KMT5B: variants seen among roughly 807,000 people sequenced by gnomAD.
KMT5B encodes lysine methyltransferase 5B, also known as histone-lysine N-methyltransferase KMT5B.
A neutral mutation model predicts 83.2 loss-of-function variants in KMT5B; 10 were observed. That is an observed-to-expected ratio of 0.12 (90% CI 0.07 to 0.20). KMT5B has a LOEUF of 0.20. KMT5B is among the 10% of genes least tolerant of loss of function. The pLI, the probability that KMT5B is intolerant of heterozygous loss-of-function variation, is 1.00. For missense variants in KMT5B, 753 were observed against 1,067.2 expected (o/e 0.71, Z 4.10); for synonymous variants, 349 against 388.8 (o/e 0.90, Z 1.20).
At position 68,171,531 on chromosome 11, in the gene KMT5B, AAC is replaced by A; in HGVS notation, c.820+10_820+11del. Reference sequence around the variant, plus strand: ...CCAACACTAGCGCCAACACCTTGGAAACACAGCTTACCATGGTTTATAAACGC... The same window carrying A: ...CCAACACTAGCGCCAACACCTTGGAAACAGCTTACCATGGTTTATAAACGC... On this transcript the variant is annotated intron_variant, in intron 7 of 10. Coordinates refer to ENST00000304363, the MANE Select transcript of KMT5B (RefSeq NM_017635.5). This position sits in a 1 kb window ranked among gnomAD's most constrained non-coding sequence, Gnocchi z 5.1. 6.2e-7 allele frequency: 1 copy of A among 1,611,448 alleles called. No homozygotes were observed.
At position 68,157,523 on chromosome 11, in the gene KMT5B, C is replaced by T; in HGVS notation, c.*165G>A. The T allele has an allele frequency of 1.9e-6, 2 of 1,054,058 alleles. No individual in the cohort carries two copies. Among genetic ancestry groups the T allele is most frequent in the Non-Finnish European group, 2.5e-6 (2 of 809,820 alleles). 65.3% of individuals were successfully genotyped at this position (1,054,058 alleles called of 1,614,324 possible). ...AAGTACGATAAAAATTTGCACAAAT[C>T]AGACTTAAGAATTGAGTCAGTATGC... On this transcript the variant is annotated 3_prime_UTR_variant, in exon 11 of 11. Transcript: ENST00000304363.
rs531948007 is a variant in KMT5B at position 68,165,811 on chromosome 11, T to C, written c.1174+1171A>G. 15 of 1,587,262 alleles carry C rather than the reference T, an allele frequency of 9.5e-6. No individual in the cohort carries two copies. The Admixed American group carries it at 1.9e-4, about 20-fold the overall frequency. The stretch of plus-strand genomic sequence containing the variant: ...CACTCTGGACATTAACGAAAAAGAC[T>C]GGAATAGGGCTACAGCGCTGCTTTT... On this transcript the variant is annotated intron_variant, in intron 10 of 10. Coordinates refer to ENST00000304363, the MANE Select transcript of KMT5B (RefSeq NM_017635.5).
chr11:68,213,295 A>G lies in KMT5B; in HGVS notation c.-234T>C, dbSNP rs1861220893. 2.0e-5 allele frequency: 3 copies of G among 147,184 alleles called. No individual in the cohort carries two copies. The highest frequency in any genetic ancestry group is 3.0e-5 in the Non-Finnish European group (2 of 65,996). 9.1% of individuals were successfully genotyped at this position (147,184 alleles called of 1,614,324 possible). ...AGAAAAATGGAGAGTAAAATCCAAG[A>G]TGGCGGCGCGGGCCGCAGCACCGCT... On this transcript the variant is annotated 5_prime_UTR_variant, in exon 1 of 11. Coordinates refer to ENST00000304363, the MANE Select transcript of KMT5B (RefSeq NM_017635.5).
chr11:68,190,239 T>C (rs933166124), intron 1 of KMT5B, 87 bp from the exon 2 acceptor site: 2 of 639,688 alleles, frequency 3.1e-6, no homozygotes, highest in Non-Finnish European at 5.4e-6. Flanking sequence ...GAGAAAGATA[T>C]ATAATATTAA....
chr11:68,201,971 C>T (rs1024771775), intron 1 of KMT5B, among the ~76,000 whole-genome samples: 2 of 151,358 alleles, frequency 1.3e-5, no homozygotes, highest in Admixed American at 6.6e-5. Context: ...TGCTTGTAGT[C>T]CCAGGTACTC....
At position 68,201,918 on chromosome 11, in the gene KMT5B, C is replaced by CAA. The variant is rs779662280; in HGVS notation, c.-77+11218_-77+11219dup. ...AACATGGTCAGACCCCAGTCTCTAC[C>CAA]AAAAAAAAAAAAAAAAAAAAATTAG... On this transcript the variant is annotated intron_variant, in intron 1 of 10. Transcript: ENST00000304363. Among the ~76,000 whole-genome samples, 158 of 82,912 alleles carry CAA rather than the reference C, an allele frequency of 1.9e-3. 2 individuals are homozygous for CAA. Among genetic ancestry groups the CAA allele is most frequent in the East Asian group, 0.014 (42 of 3,048 alleles). 54.4% of individuals were successfully genotyped at this position (82,912 alleles called of 152,430 possible).
chr11:68,173,991 C>T (rs1037482954), intron 5 of KMT5B, 78 bp from the exon 6 acceptor site: 2 of 972,390 alleles, frequency 2.1e-6, no homozygotes, highest in Non-Finnish European at 3.2e-6. Context: ...TAAAAGCAAA[C>T]CACCCGCAAT....
chr11:68,180,344 T>C (rs975324384), intron 3 of KMT5B, 144 bp from the exon 4 acceptor site: 2 of 1,094,576 alleles, frequency 1.8e-6, no homozygotes, highest in Non-Finnish European at 2.6e-6. Flanking sequence ...ATACCACAGG[T>C]GGGCGCGGCA....
chr11:68,211,436 C>T (rs992598139), intron 1 of KMT5B, among the ~76,000 whole-genome samples: 5 of 152,210 alleles, frequency 3.3e-5, no homozygotes, highest in African/African-American at 1.2e-4. Context: ...ACCATATTCC[C>T]TTCACTCTCC....
intron 9 of KMT5B, among the ~76,000 whole-genome samples, chr11:68,169,417 T>C (rs1225214312): frequency 6.6e-6 from 1 of 152,246 alleles, no homozygotes; most frequent in Non-Finnish European, 1.5e-5. Flanking sequence ...ACCAGGGTAC[T>C]GTTCTGTATT....
chr11:68,208,465 CA>C (rs1860458031), intron 1 of KMT5B, among the ~76,000 whole-genome samples: 1 of 149,256 alleles, frequency 6.7e-6, no homozygotes, highest in African/African-American at 2.5e-5. Context: ...AACAAACAAA[CA>C]AAAAAACCAC....
Position 68,158,176 on chromosome 11 carries a change from G to T in KMT5B, c.2170C>A (p.His724Asn). The T allele has an allele frequency of 6.2e-7, 1 of 1,614,148 alleles. No individual in the cohort carries two copies. The highest frequency in any genetic ancestry group is 8.5e-7 in the Non-Finnish European group (1 of 1,180,034). Residue 724 changes from histidine (H) to asparagine (N), a missense_variant, in exon 11 of 11, where the codon CAT becomes AAT. Transcript: ENST00000304363. ...GIPKLTLRRRHDSSSKTNDQE... is the reference protein window; with the variant it reads ...GIPKLTLRRRNDSSSKTNDQE... ...TCATTTGTTTTGCTGCTGCTATCAT[G>T]ACGCCTACGAAGAGTCAATTTGGGA... is the stretch of plus-strand genomic sequence containing the variant.
chr11:68,187,100 A>C (rs1266192133), intron 2 of KMT5B, among the ~76,000 whole-genome samples: 2 of 151,922 alleles, frequency 1.3e-5, no homozygotes, highest in Non-Finnish European at 2.9e-5. Flanking sequence ...GGGCTCAAGG[A>C]ATCATCCTGC....
intron 1 of KMT5B, among the ~76,000 whole-genome samples, chr11:68,206,999 T>A (rs1038592376): frequency 3.9e-5 from 6 of 151,962 alleles, no homozygotes; most frequent in Non-Finnish European, 5.9e-5. Context: ...TCCCAGCACT[T>A]TGGGAGGCTG....
chr11:68,210,153 T>G (rs1457452983), intron 1 of KMT5B, among the ~76,000 whole-genome samples: 1 of 152,214 alleles, frequency 6.6e-6, no homozygotes, highest in East Asian at 1.9e-4. Context: ...CCGGTACTGT[T>G]TTCTTTAGTG....
At chr11:68,207,492 C>G (rs1228820772) in intron 1 of KMT5B, among the ~76,000 whole-genome samples, 1 of 151,764 alleles carries the variant, frequency 6.6e-6, no homozygotes. Flanking sequence ...CTGTTAATAT[C>G]ACACAAAAAA....
chr11:68,177,768 G>A (rs755375201), intron 4 of KMT5B, among the ~76,000 whole-genome samples: 39 of 152,064 alleles, frequency 2.6e-4, no homozygotes, highest in Non-Finnish European at 8.8e-5. Flanking sequence ...AATTCAGAAC[G>A]TCTTACTAGT....
rs928327821 is a variant in KMT5B at position 68,165,801 on chromosome 11, C to T, written c.1174+1181G>A. 82 of 1,575,022 alleles carry T rather than the reference C, an allele frequency of 5.2e-5. 1 individual carries two copies. Among genetic ancestry groups the T allele is most frequent in the East Asian group, 6.8e-5 (3 of 44,030 alleles). On this transcript the variant is annotated intron_variant, in intron 10 of 10. Transcript: ENST00000304363. ...TCTTGTTGTTCACTCTGGACATTAA[C>T]GAAAAAGACTGGAATAGGGCTACAG...
At chr11:68,199,014 C>T (rs1315454070) in intron 1 of KMT5B, among the ~76,000 whole-genome samples, 1 of 152,202 alleles carries the variant, frequency 6.6e-6, no homozygotes, top group Non-Finnish European at 1.5e-5. Context: ...CAGGCGTGAG[C>T]CACCACGCCC....
Sources: gnomAD v4.1 joint callset for allele counts (sites outside exome capture counted in the v4.1 genomes callset) on GRCh38, gnomAD v4.1.1 for gene constraint, Gnocchi (gnomAD v3.1) non-coding constraint, MANE v1.5 for transcripts, NCBI Gene and HGNC (gene_info 2026-07-23, HGNC 2026-07-21) for gene names.